Variants in CDCA7L observed in about 807,000 individuals in gnomAD.
CDCA7L encodes cell division cycle-associated 7-like protein.
Under a neutral mutation model 57.4 loss-of-function variants are expected in CDCA7L, and 44 were observed. That is an observed-to-expected ratio of 0.77 (90% CI 0.60 to 0.98). The LOEUF (loss-of-function observed/expected upper bound fraction) is 0.98. Among genes scored for constraint, CDCA7L ranks in the 50% least tolerant of loss-of-function variants. The pLI, the probability that CDCA7L is intolerant of heterozygous loss-of-function variation, is 0.00. For synonymous variants in CDCA7L, 236 were observed against 202.8 expected, an observed-to-expected ratio of 1.16 and a Z score of -1.39; for missense variants, 644 against 580.6, an observed-to-expected ratio of 1.11 and a Z score of -1.12.
intron 1 of CDCA7L, among the ~76,000 whole-genome samples, chr7:21,943,648 A>G (rs1583884545): frequency 6.6e-6 from 1 of 152,144 alleles, no homozygotes; most frequent in East Asian, 1.9e-4. Flanking sequence ...GCACATTTAA[A>G]TTACGATGAA....
intron 2 of CDCA7L, among the ~76,000 whole-genome samples, chr7:21,912,892 C>A (rs1785375183): frequency 6.6e-6 from 1 of 152,238 alleles, no homozygotes; most frequent in East Asian, 1.9e-4. Context: ...GATGGAAACC[C>A]AACTCTCTTA....
intron 1 of CDCA7L, among the ~76,000 whole-genome samples, chr7:21,926,827 C>A (rs556905848): frequency 3.3e-5 from 5 of 152,180 alleles, no homozygotes; most frequent in Non-Finnish European, 7.3e-5. Flanking sequence ...GAGCTGTGAT[C>A]AAGGCACTGC....
In CDCA7L at chr7:21,906,385, C is replaced by T. The variant is rs370506709; in HGVS notation, c.825G>A (p.Ala275=). The T allele has an allele frequency of 2.7e-5, 44 of 1,613,828 alleles. No individual in the cohort carries two copies. Among genetic ancestry groups the T allele is most frequent in the South Asian group, 6.6e-5 (6 of 91,046 alleles). Reference sequence around the variant, plus strand: ...CTAGAGCAAACTTCTCAGGAGGCCGCGCACTCCGGGTTGGGTTCATACGCC... The same window carrying T: ...CTAGAGCAAACTTCTCAGGAGGCCGTGCACTCCGGGTTGGGTTCATACGCC... ...ITRRMNPTRS[A]RPPEKFALEN... The change falls in exon 6 of 10, where the codon GCG becomes GCA. Residue 275 remains alanine (A), a synonymous_variant. Coordinates refer to ENST00000406877, the MANE Select transcript of CDCA7L (RefSeq NM_018719.5).
chr7:21,911,341 C>G (rs182377256), intron 3 of CDCA7L, among the ~76,000 whole-genome samples: 167 of 151,976 alleles, frequency 1.1e-3, no homozygotes, highest in African/African-American at 3.8e-3. Flanking sequence ...GAGATAAATT[C>G]TTTGAGAAGG....
chr7:21,908,098 C>T (rs777073416), intron 4 of CDCA7L, 32 bp downstream of exon 4: 2 of 1,490,638 alleles, frequency 1.3e-6, no homozygotes, highest in Admixed American at 2.5e-5. Context: ...AGCCTGGTGC[C>T]AACTCCCAGG....
At chr7:21,903,487 T>C (rs1428851491) in intron 8 of CDCA7L, among the ~76,000 whole-genome samples, 4 of 152,122 alleles carry the variant, frequency 2.6e-5, no homozygotes, top group East Asian at 3.9e-4. Context: ...TGTGTGCTTA[T>C]TGTTGAATGA....
In CDCA7L at chr7:21,906,757, A is replaced by G. The variant is rs969739466; in HGVS notation, c.682-118T>C. On this transcript the variant is annotated intron_variant, in intron 4 of 9. Coordinates refer to ENST00000406877, the MANE Select transcript of CDCA7L (RefSeq NM_018719.5). ...ATAAGAAACCTAACTTGAATAGTTTATATAACCCACAACAGTTATACTTTT... is the reference window on the plus strand; with the variant it reads ...ATAAGAAACCTAACTTGAATAGTTTGTATAACCCACAACAGTTATACTTTT... 8.1e-6 allele frequency: 7 copies of G among 869,286 alleles called. No individual in the cohort carries two copies. The African/African-American group carries it at 8.4e-5, about 10-fold the overall frequency. 53.8% of individuals were successfully genotyped at this position (869,286 alleles called of 1,614,324 possible). A position where few individuals can be genotyped will look rare whatever the true frequency, so the allele number is the denominator to read the frequency against.
intron 1 of CDCA7L, 133 bp from the exon 2 acceptor site, chr7:21,917,027 C>T: frequency 1.1e-6 from 1 of 922,710 alleles, no homozygotes; most frequent in South Asian, 1.6e-5. Flanking sequence ...CCCAGTAACC[C>T]TCAGCAAAAC....
Position 21,925,548 on chromosome 7 carries a change from G to A in CDCA7L, c.25-8654C>T, listed in dbSNP as rs117601160. Among the ~76,000 whole-genome samples, 556 of 152,278 alleles carry A rather than the reference G, an allele frequency of 3.7e-3. 2 individuals carry two copies. Among genetic ancestry groups the A allele is most frequent in the Admixed American group, 0.011 (164 of 15,290 alleles). On this transcript the variant is annotated intron_variant, in intron 1 of 9. Transcript: ENST00000406877. ...CCAGGAAAATGTAGCTAAACTCAGG[G>A]TGAAGGCGTATATGAATTACTATTA...
At chr7:21,934,318 T>C (rs576798454) in intron 1 of CDCA7L, among the ~76,000 whole-genome samples, 3 of 152,340 alleles carry the variant, frequency 2.0e-5, no homozygotes, top group African/African-American at 7.2e-5. Flanking sequence ...AGAATTTTTG[T>C]ATGTCGCTGA....
intron 2 of CDCA7L, among the ~76,000 whole-genome samples, chr7:21,915,646 A>AC (rs1198836877): frequency 8.9e-6 from 1 of 112,832 alleles, no homozygotes; most frequent in Non-Finnish European, 1.7e-5. Context: ...AAAAAAAAAA[A>AC]AAAAAAAAAA....
chr7:21,944,854 C>T (rs540820627), intron 1 of CDCA7L: 1 of 150,448 alleles, frequency 6.6e-6, no homozygotes, highest in Admixed American at 6.6e-5. Flanking sequence ...GTGAGTCTCG[C>T]GACTCTCAAT....
chr7:21,925,927 T>C (rs1224538294), intron 1 of CDCA7L, among the ~76,000 whole-genome samples: 2 of 152,064 alleles, frequency 1.3e-5, no homozygotes, highest in African/African-American at 4.8e-5. Flanking sequence ...ATCTCATCCA[T>C]CAGTTTGTGC....
intron 1 of CDCA7L, among the ~76,000 whole-genome samples, chr7:21,936,308 G>C (rs902117217): frequency 6.6e-6 from 1 of 152,068 alleles, no homozygotes; most frequent in Non-Finnish European, 1.5e-5. Flanking sequence ...GAAGAAGGAG[G>C]AACACTTGAA....
rs746520990 is a variant in CDCA7L at position 21,902,328 on chromosome 7, G to GTCTTCTACCAGCTCC, written c.1344_1358dup (p.Glu452_Asp453insGluGluLeuValGlu). The GTCTTCTACCAGCTCC allele has an allele frequency of 1.3e-5, 21 of 1,613,776 alleles. No homozygotes were observed. Among genetic ancestry groups the GTCTTCTACCAGCTCC allele is most frequent in the Non-Finnish European group, 1.7e-5 (20 of 1,179,856 alleles). On this transcript the variant is annotated inframe_insertion, in exon 10 of 10. Transcript: ENST00000406877. Reference sequence around the variant, plus strand: ...GGTTCTGTTTGTTTTCCTCTTAATTGTCTTCTACCAGCTCCTTTTGTAAGC... The same window carrying GTCTTCTACCAGCTCC: ...GGTTCTGTTTGTTTTCCTCTTAATTGTCTTCTACCAGCTCCTCTTCTACCAGCTCCTTTTGTAAGC...
In CDCA7L at chr7:21,908,312, A is replaced by G. The variant is rs760730241; in HGVS notation, c.499T>C (p.Phe167Leu). Reference protein sequence around the residue: ...PDKNSSSEQLFSSARLQNEKK... With the variant: ...PDKNSSSEQLLSSARLQNEKK... ...TCATTCTGTAAGCGTGCGCTAGAAAACAACTGCTCGGAAGAACTGTTTTTA... is the reference window on the plus strand; with the variant it reads ...TCATTCTGTAAGCGTGCGCTAGAAAGCAACTGCTCGGAAGAACTGTTTTTA... The change falls in exon 4 of 10, where the codon TTT becomes CTT. Residue 167 changes from phenylalanine (F) to leucine (L), a missense_variant. By Grantham distance (22) the Phe-to-Leu change is conservative. Coordinates refer to ENST00000406877, the MANE Select transcript of CDCA7L (RefSeq NM_018719.5). The G allele has an allele frequency of 6.2e-7, 1 of 1,609,364 alleles. No individual in the cohort carries two copies. Among genetic ancestry groups the G allele is most frequent in the Non-Finnish European group, 8.5e-7 (1 of 1,178,902 alleles).
intron 1 of CDCA7L, among the ~76,000 whole-genome samples, chr7:21,942,939 C>T (rs1786387271): frequency 6.6e-6 from 1 of 152,204 alleles, no homozygotes; most frequent in African/African-American, 2.4e-5. Context: ...TTTACCCCTT[C>T]AACAGCGTGC....
chr7:21,903,149 T>TATCTA (rs766588708), intron 8 of CDCA7L, 35 bp from the exon 9 acceptor site: 1 of 1,602,026 alleles, frequency 6.2e-7, no homozygotes, highest in Non-Finnish European at 8.5e-7. Context: ...CTTCGCTCAT[T>TATCTA]ATCTACAGGG....
intron 9 of CDCA7L, 168 bp from the exon 10 acceptor site, chr7:21,902,520 G>C (rs1180734237): frequency 3.1e-6 from 2 of 655,086 alleles, no homozygotes; most frequent in Admixed American, 5.1e-5. Context: ...CTCTGGTGTA[G>C]TACGCCCCAA....
Sources: allele counts gnomAD v4.1 joint callset (sites outside exome capture counted in the v4.1 genomes callset), GRCh38; gene constraint gnomAD v4.1.1; transcripts MANE v1.5; gene names NCBI Gene and HGNC (gene_info 2026-07-23, HGNC 2026-07-21).